The following RANBP2 variants were observed in gnomAD, a reference collection of about 807,000 sequenced individuals.
RANBP2 encodes the protein E3 SUMO-protein ligase RanBP2.
A neutral mutation model predicts 303.6 loss-of-function variants in RANBP2; 57 were observed. The observed-to-expected ratio is 0.19, with a 90% CI of 0.15 to 0.23. The LOEUF (loss-of-function observed/expected upper bound fraction) is 0.23. Among genes scored for constraint, RANBP2 ranks in the 10% least tolerant of loss-of-function variants. The probability of loss-of-function intolerance (pLI) is 1.00; values close to 1 mark genes in which losing one functional copy is unlikely to be tolerated. For synonymous variants in RANBP2, 1,167 were observed against 1,301.5 expected (o/e 0.90, Z 2.23); for missense variants, 3,138 against 3,780.8 (o/e 0.83, Z 4.46).
the RANBP2 span, among the ~76,000 whole-genome samples, chr2:109,691,521 T>C: frequency 6.6e-6 from 1 of 152,074 alleles, no homozygotes; most frequent in Admixed American, 6.6e-5. Context: ...CAGCTTAGCT[T>C]CAGGGGCCAG....
chr2:109,649,132 T>C, the RANBP2 span, among the ~76,000 whole-genome samples: 1 of 152,202 alleles, frequency 6.6e-6, no homozygotes, highest in Non-Finnish European at 1.5e-5. Context: ...TAATTTTCAG[T>C]ATTTATTGCA....
the RANBP2 span, among the ~76,000 whole-genome samples, chr2:109,571,838 C>T: frequency 2.0e-5 from 3 of 152,138 alleles, no homozygotes; most frequent in African/African-American, 7.2e-5. Context: ...ATTAGCTCTT[C>T]CATTTATTCC....
At chr2:109,029,742 C>T in the RANBP2 span, among the ~76,000 whole-genome samples, 4 of 152,294 alleles carry the variant, frequency 2.6e-5, no homozygotes, top group Admixed American at 6.5e-5. Flanking sequence ...CAGGGCCCCC[C>T]GGCAGCCATC....
the RANBP2 span, among the ~76,000 whole-genome samples, chr2:109,285,681 T>A: frequency 6.6e-6 from 1 of 152,208 alleles, no homozygotes; most frequent in African/African-American, 2.4e-5. Context: ...AAAAGTTCAC[T>A]TGGGGCTCAT....
the RANBP2 span, among the ~76,000 whole-genome samples, chr2:108,950,531 T>C: frequency 2.7e-4 from 41 of 152,272 alleles, no homozygotes; most frequent in African/African-American, 9.6e-4. Context: ...GCACAAGAGA[T>C]TGTTTATTCG....
the RANBP2 span, among the ~76,000 whole-genome samples, chr2:109,101,399 C>T: frequency 6.6e-6 from 1 of 151,936 alleles, no homozygotes; most frequent in South Asian, 2.1e-4. Context: ...TGGTGGCGGG[C>T]ACCTGTAGTC....
the RANBP2 span, among the ~76,000 whole-genome samples, chr2:108,879,074 C>CT: frequency 6.6e-6 from 1 of 152,138 alleles, no homozygotes; most frequent in East Asian, 1.9e-4. Flanking sequence ...GGACTGTTCT[C>CT]TAGGAAAAGA....
chr2:109,474,377 G>A, the RANBP2 span, among the ~76,000 whole-genome samples: 2 of 152,170 alleles, frequency 1.3e-5, no homozygotes, highest in African/African-American at 4.8e-5. Flanking sequence ...GTGTGAGCTA[G>A]CTGCGTCTAA....
At chr2:108,971,750 C>T in the RANBP2 span, among the ~76,000 whole-genome samples, 2 of 152,218 alleles carry the variant, frequency 1.3e-5, no homozygotes, top group African/African-American at 4.8e-5. Flanking sequence ...GTTTATAACA[C>T]ATACACAAAC....
At chr2:109,429,255 G>A in the RANBP2 span, among the ~76,000 whole-genome samples, 1 of 152,176 alleles carries the variant, frequency 6.6e-6, no homozygotes, top group Admixed American at 6.5e-5. Context: ...CGAGCCGCAT[G>A]CCAGAAAACA....
At chr2:109,375,201 A>C in the RANBP2 span, among the ~76,000 whole-genome samples, 28 of 152,322 alleles carry the variant, frequency 1.8e-4, no homozygotes, top group African/African-American at 5.8e-4. Flanking sequence ...TGCTCACCGG[A>C]GATACCTCAC....
chr2:109,613,892 A>ACGG, the RANBP2 span: 6 of 1,218,250 alleles, frequency 4.9e-6, no homozygotes, highest in Non-Finnish European at 5.1e-6. Context: ...GGTCCCGGCG[A>ACGG]CGGCGGCGGG....
At chr2:109,029,224 T>A in the RANBP2 span, among the ~76,000 whole-genome samples, 1 of 152,226 alleles carries the variant, frequency 6.6e-6, no homozygotes, top group Non-Finnish European at 1.5e-5. Context: ...TCCTCCTTCA[T>A]GTCAACACTG....
the RANBP2 span, among the ~76,000 whole-genome samples, chr2:109,125,671 C>T: frequency 6.6e-6 from 1 of 152,268 alleles, no homozygotes; most frequent in East Asian, 1.9e-4. Context: ...CATGTTGGCT[C>T]ATACAATGCT....
At chr2:109,560,224 C>T in the RANBP2 span, among the ~76,000 whole-genome samples, 1 of 152,148 alleles carries the variant, frequency 6.6e-6, no homozygotes, top group East Asian at 1.9e-4. Context: ...CTGGCCCCAA[C>T]CACTGCCTTT....
chr2:109,081,245 C>G, the RANBP2 span, among the ~76,000 whole-genome samples: 1 of 152,126 alleles, frequency 6.6e-6, no homozygotes, highest in Non-Finnish European at 1.5e-5. Context: ...TTTTACATTA[C>G]CTGTGGGAAA....
the RANBP2 span, among the ~76,000 whole-genome samples, chr2:109,425,675 C>A: frequency 6.7e-6 from 1 of 149,656 alleles, no homozygotes; most frequent in Non-Finnish European, 1.5e-5. Context: ...TATTGTAAGT[C>A]CATTGTCAAG....
At chr2:108,811,105 T>C in the RANBP2 span, among the ~76,000 whole-genome samples, 2 of 6,946 alleles carry the variant, frequency 2.9e-4, no homozygotes, top group African/African-American at 5.5e-4. Context: ...CTTTTCTTTT[T>C]TTTTTTCTTT....
the RANBP2 span, among the ~76,000 whole-genome samples, chr2:109,065,909 T>C: frequency 6.6e-6 from 1 of 152,172 alleles, no homozygotes; most frequent in African/African-American, 2.4e-5. Flanking sequence ...ATCATTTTTT[T>C]CCACTCTAGT....
Sources: gnomAD v4.1 joint callset for allele counts (sites outside exome capture counted in the v4.1 genomes callset) on GRCh38, gnomAD v4.1.1 for gene constraint, MANE v1.5 for transcripts, NCBI Gene and HGNC (gene_info 2026-07-23, HGNC 2026-07-21) for gene names.